EPB41L2: variants seen among roughly 807,000 people sequenced by gnomAD.
EPB41L2 encodes the protein band 4.1-like protein 2.
In EPB41L2, 43 loss-of-function variants were observed where a neutral mutation model predicts 113.0. That is an observed-to-expected ratio of 0.38 (90% CI 0.30 to 0.49). EPB41L2 has a LOEUF of 0.49. Among genes scored for constraint, EPB41L2 ranks in the 20% least tolerant of loss-of-function variants. EPB41L2 has a pLI of 0.95. For synonymous variants in EPB41L2, 442 were observed against 436.7 expected (o/e 1.01, Z -0.15); for missense variants, 1,147 against 1,223.4 (o/e 0.94, Z 0.93).
At chr6:130,937,821 GAA>G (rs66505919) in intron 3 of EPB41L2, among the ~76,000 whole-genome samples, 54 of 129,784 alleles carry the variant, frequency 4.2e-4, no homozygotes, top group South Asian at 9.3e-4. Flanking sequence ...ATCTCAAAAA[GAA>G]AAAAAAAAAA....
intron 1 of EPB41L2, among the ~76,000 whole-genome samples, chr6:131,024,377 G>C (rs9375797): frequency 0.3 from 44,989 of 151,924 alleles, 7,253 homozygotes; most frequent in East Asian, 0.43. Flanking sequence ...TTCAGTATAA[G>C]GGGTCTTGTA....
At position 130,944,411 on chromosome 6, in the gene EPB41L2, GA is replaced by G. The variant is rs1249876182; in HGVS notation, c.705+10693del. On this transcript the variant is annotated intron_variant, in intron 3 of 19. Coordinates refer to ENST00000337057, the MANE Select transcript of EPB41L2 (RefSeq NM_001431.4). Reference sequence around the variant, plus strand: ...GTTAAGACTCTATGGGGAGAGAGAAGAAAGTTATTTTTCCAGAGAAACTAAT... The same window carrying G: ...GTTAAGACTCTATGGGGAGAGAGAAGAAGTTATTTTTCCAGAGAAACTAAT... Among the ~76,000 whole-genome samples the G allele has an allele frequency of 5.9e-5, 9 of 152,242 alleles. No individual in the cohort carries two copies. In the South Asian group the frequency reaches 1.9e-3, roughly 32 times the overall value.
At chr6:130,852,347 A>T (rs1377973076) in intron 19 of EPB41L2, among the ~76,000 whole-genome samples, 1 of 152,238 alleles carries the variant, frequency 6.6e-6, no homozygotes, top group Non-Finnish European at 1.5e-5. Flanking sequence ...ATGTCATGTT[A>T]TAAGATGGGG....
Position 130,956,500 on chromosome 6 carries a change from C to T in EPB41L2, c.-14-1G>A. On this transcript the variant is annotated splice_acceptor_variant, in intron 1 of 19. Transcript: ENST00000337057. LOFTEE classifies it low-confidence loss of function (5UTR_SPLICE). Reference sequence around the variant, plus strand: ...TCAGTAGTCATGGCCACAGCTTATGCTGTAATCAAAACAAAAATCATAAAA... The same window carrying T: ...TCAGTAGTCATGGCCACAGCTTATGTTGTAATCAAAACAAAAATCATAAAA... The T allele has an allele frequency of 1.3e-6, 2 of 1,577,302 alleles. No individual in the cohort carries two copies. The highest frequency in any genetic ancestry group is 1.7e-6 in the Non-Finnish European group (2 of 1,165,232).
chr6:131,042,882 T>C (rs1305567470), intron 1 of EPB41L2, among the ~76,000 whole-genome samples: 4 of 152,230 alleles, frequency 2.6e-5, no homozygotes, highest in Non-Finnish European at 5.9e-5. Flanking sequence ...GTAGAAATTC[T>C]TGTGTAATCT....
At chr6:130,866,470 T>C (rs1028027755) in intron 16 of EPB41L2, among the ~76,000 whole-genome samples, 5 of 152,192 alleles carry the variant, frequency 3.3e-5, no homozygotes, top group African/African-American at 1.2e-4. Context: ...CATGCACCTG[T>C]ATGTCTTCAT....
intron 1 of EPB41L2, among the ~76,000 whole-genome samples, chr6:131,006,770 T>G (rs1313796285): frequency 6.6e-6 from 1 of 152,174 alleles, no homozygotes; most frequent in African/African-American, 2.4e-5. Flanking sequence ...TGAAAAATCC[T>G]GCCCTAGACC....
chr6:130,912,164 AC>A, intron 4 of EPB41L2, among the ~76,000 whole-genome samples: 1 of 151,720 alleles, frequency 6.6e-6, no homozygotes, highest in East Asian at 1.9e-4. Flanking sequence ...CCATTCCCTC[AC>A]CCCCACCCCG....
At chr6:130,941,631 A>T (rs1469150489) in intron 3 of EPB41L2, among the ~76,000 whole-genome samples, 1 of 152,218 alleles carries the variant, frequency 6.6e-6, no homozygotes, top group Non-Finnish European at 1.5e-5. Flanking sequence ...ATTGTTGCTG[A>T]CAGAAATCTG....
intron 3 of EPB41L2, among the ~76,000 whole-genome samples, chr6:130,933,188 G>A (rs941527385): frequency 2.0e-5 from 3 of 152,080 alleles, no homozygotes; most frequent in Non-Finnish European, 4.4e-5. Context: ...CATCACTTTC[G>A]CTGTCATTTC....
chr6:130,862,732 T>C (rs940196714), intron 18 of EPB41L2, among the ~76,000 whole-genome samples: 4 of 152,198 alleles, frequency 2.6e-5, no homozygotes, highest in Non-Finnish European at 4.4e-5. Flanking sequence ...GTAATTTTCT[T>C]CTTAGGCATG....
chr6:130,892,348 A>C (rs1329295333), intron 10 of EPB41L2, among the ~76,000 whole-genome samples: 2 of 149,680 alleles, frequency 1.3e-5, no homozygotes, highest in Non-Finnish European at 3.0e-5. Context: ...TCTGTGTCTG[A>C]CTCTAATAAG....
At chr6:130,874,094 C>T (rs1359892999) in intron 14 of EPB41L2, among the ~76,000 whole-genome samples, 2 of 152,102 alleles carry the variant, frequency 1.3e-5, no homozygotes, top group African/African-American at 4.8e-5. Flanking sequence ...ATCTCTTAGA[C>T]TCAGGAGAGA....
chr6:131,060,403 T>C (rs1311853171), intron 1 of EPB41L2, among the ~76,000 whole-genome samples: 1 of 152,246 alleles, frequency 6.6e-6, no homozygotes, highest in African/African-American at 2.4e-5. Flanking sequence ...AATATTTTGG[T>C]TGTGGACTGC....
intron 1 of EPB41L2, chr6:131,013,722 A>G (rs1197898481): frequency 6.6e-6 from 1 of 152,198 alleles, no homozygotes; most frequent in Non-Finnish European, 1.5e-5. Flanking sequence ...AGGCAAGCCC[A>G]TATCTCAAGG....
chr6:130,944,117 CA>C (rs755881005), intron 3 of EPB41L2, among the ~76,000 whole-genome samples: 60 of 150,778 alleles, frequency 4.0e-4, no homozygotes, highest in Non-Finnish European at 4.9e-4. Context: ...TAATGGACAG[CA>C]GTCGCAATGA....
In EPB41L2 at chr6:130,955,957, C is replaced by T. The variant is rs369419534; in HGVS notation, c.492+37G>A. On this transcript the variant is annotated intron_variant, in intron 2 of 19. Coordinates refer to ENST00000337057, the MANE Select transcript of EPB41L2 (RefSeq NM_001431.4). ...CCTTTTTATTATGTGGTTACGCTAT[C>T]AGGTTTTCATTTCCAGGCAATTATT... is the stretch of plus-strand genomic sequence containing the variant. The T allele has an allele frequency of 3.8e-5, 60 of 1,582,156 alleles. No homozygotes were observed. The African/African-American group carries it at 7.8e-4, about 20-fold the overall frequency.
At chr6:131,031,861 T>C (rs575409475) in intron 1 of EPB41L2, among the ~76,000 whole-genome samples, 4 of 152,198 alleles carry the variant, frequency 2.6e-5, no homozygotes, top group African/African-American at 4.8e-5. Flanking sequence ...AATGTTAACA[T>C]TGGCAGAAGA....
chr6:130,960,032 T>C (rs994282973), intron 1 of EPB41L2, among the ~76,000 whole-genome samples: 28 of 152,242 alleles, frequency 1.8e-4, no homozygotes, highest in Non-Finnish European at 3.2e-4. Flanking sequence ...CACTCACTGT[T>C]TACTGTCTGA....
Sources: allele counts gnomAD v4.1 joint callset (sites outside exome capture counted in the v4.1 genomes callset), GRCh38; gene constraint gnomAD v4.1.1; transcripts MANE v1.5; gene names NCBI Gene and HGNC (gene_info 2026-07-23, HGNC 2026-07-21).